ERCC1: variants seen among roughly 807,000 people sequenced by gnomAD.
The protein encoded by ERCC1 is DNA excision repair protein ERCC-1.
ERCC1 carries 36 observed loss-of-function variants against 37.6 expected under a neutral mutation model. That is an observed-to-expected ratio of 0.96 (90% CI 0.73 to 1.26). ERCC1 has a LOEUF of 1.26. ERCC1 is among the 50% of genes most tolerant of loss of function. The probability of loss-of-function intolerance (pLI) is 0.00; values close to 1 mark genes in which losing one functional copy is unlikely to be tolerated. For synonymous variants in ERCC1, 156 were observed against 162.1 expected (o/e 0.96, Z 0.28); for missense variants, 349 against 376.5 (o/e 0.93, Z 0.60).
At chr19:45,412,154 C>G (rs1048356513) in intron 9 of ERCC1, among the ~76,000 whole-genome samples, 1 of 150,946 alleles carries the variant, frequency 6.6e-6, no homozygotes, top group Non-Finnish European at 1.5e-5. Flanking sequence ...CCACCATGCC[C>G]GGCCTATTTT....
At chr19:45,409,822 T>C (rs958539424) in intron 9 of ERCC1, 97 bp from the exon 10 acceptor site, 6 of 713,602 alleles carry the variant, frequency 8.4e-6, no homozygotes, top group Admixed American at 2.0e-5. Flanking sequence ...TTTTCCCCTA[T>C]ACCCTCAAGC....
chr19:45,409,790 A>G, intron 9 of ERCC1, 65 bp from the exon 10 acceptor site: 2 of 730,896 alleles, frequency 2.7e-6, no homozygotes, highest in Non-Finnish European at 2.5e-6. Context: ...GGGTAAATCT[A>G]GAGTGGGGTT....
chr19:45,439,735 G>C (rs1012729684), intron 1 of ERCC1, among the ~76,000 whole-genome samples: 1 of 151,956 alleles, frequency 6.6e-6, no homozygotes, highest in East Asian at 1.9e-4. Context: ...GCCGGCGCCC[G>C]GGAGCCCGGG....
chr19:45,424,114 G>A (rs1974608235), upstream of ERCC1: 2 of 1,006,156 alleles, frequency 2.0e-6, no homozygotes, highest in East Asian at 1.2e-4. Context: ...GGGCTCAGTG[G>A]AGAACAGATC....
In ERCC1 at chr19:45,409,615, A is replaced by G. The variant is rs1599795873; in HGVS notation, c.*60T>C. On this transcript the variant is annotated 3_prime_UTR_variant, in exon 10 of 10. Transcript: ENST00000300853. Reference sequence around the variant, plus strand: ...AGACTGCACCAGCGCAGCCAGCAGGAGCCTGGCCTGGGAGGACGATTTATT... The same window carrying G: ...AGACTGCACCAGCGCAGCCAGCAGGGGCCTGGCCTGGGAGGACGATTTATT... 1 of 1,571,638 alleles carries G rather than the reference A, an allele frequency of 6.4e-7. No homozygotes were observed. The highest frequency in any genetic ancestry group is 2.3e-5 in the East Asian group (1 of 44,384).
chr19:45,423,941 G>A, upstream of ERCC1: 2 of 1,094,296 alleles, frequency 1.8e-6, no homozygotes, highest in East Asian at 4.6e-5. Flanking sequence ...CCGCTCCCCA[G>A]GAGAGTAGAG....
chr19:45,414,821 G>C, intron 7 of ERCC1, 40 bp downstream of exon 7: 1 of 1,418,284 alleles, frequency 7.1e-7, no homozygotes. Flanking sequence ...CAGGAGCTGC[G>C]GGGAGGCCCA....
At chr19:45,414,236 G>C in intron 7 of ERCC1, 1 of 616,818 alleles carries the variant, frequency 1.6e-6, no homozygotes, top group Non-Finnish European at 2.9e-6. Flanking sequence ...CAGCACTTTC[G>C]AGGCCGAGGC....
chr19:45,445,849 A>G lies in ERCC1; in HGVS notation c.-7-22468T>C, dbSNP rs531261506. 2.0e-5 allele frequency among the ~76,000 whole-genome samples: 3 copies of G among 152,198 alleles called. No individual in the cohort carries two copies. In the East Asian group the frequency reaches 5.8e-4, roughly 29 times the overall value. ...AGGAGCTATGGGAGGGTTTTGAGCAAAAGAGGGATGTGAACTGTTTCTTAT... is the reference window on the plus strand; with the variant it reads ...AGGAGCTATGGGAGGGTTTTGAGCAGAAGAGGGATGTGAACTGTTTCTTAT... On this transcript the variant is annotated intron_variant, in intron 1 of 8. Coordinates refer to the ERCC1 transcript ENST00000423698.
chr19:45,421,036 C>T, intron 3 of ERCC1, 142 bp downstream of exon 3: 1 of 761,762 alleles, frequency 1.3e-6, no homozygotes, highest in Non-Finnish European at 2.3e-6. Context: ...CCACACACTG[C>T]TGTCGAATGA....
At chr19:45,414,148 C>T (rs1306518891) in intron 7 of ERCC1, 114 bp from the exon 8 acceptor site, 4 of 814,824 alleles carry the variant, frequency 4.9e-6, no homozygotes, top group Non-Finnish European at 6.2e-6. Context: ...GTGCAGGAAG[C>T]ACTCAATAAA....
At chr19:45,411,682 T>C (rs1396445627) in intron 9 of ERCC1, among the ~76,000 whole-genome samples, 1 of 151,944 alleles carries the variant, frequency 6.6e-6, no homozygotes, top group Non-Finnish European at 1.5e-5. Flanking sequence ...TAATCCCATC[T>C]ACTCAGGAGG....
chr19:45,434,542 T>A (rs911528833), intron 1 of ERCC1, among the ~76,000 whole-genome samples: 31 of 152,072 alleles, frequency 2.0e-4, no homozygotes, highest in South Asian at 2.1e-4. Context: ...TGCCTTCCAA[T>A]CGTTGCATCT....
chr19:45,428,294 T>A, upstream of ERCC1, among the ~76,000 whole-genome samples: 1 of 142,052 alleles, frequency 7.0e-6, no homozygotes, highest in African/African-American at 2.6e-5. Flanking sequence ...GGGGGTGGGG[T>A]CTCACTATAG....
Position 45,416,837 on chromosome 19 carries a change from A to G in ERCC1, c.586T>C (p.Leu196=), listed in dbSNP as rs1974099177. 2 of 1,613,610 alleles carry G rather than the reference A, an allele frequency of 1.2e-6. No homozygotes were observed. The highest frequency in any genetic ancestry group is 1.7e-5 in the Admixed American group (1 of 60,004). The part of the protein sequence containing the change: ...AKMCILADCT[L]ILAWSPEEAG... ...TCATCTCACCTCCAGGCGAGGATCAATGTGCAGTCGGCCAGGATACACATC... is the reference window on the plus strand; with the variant it reads ...TCATCTCACCTCCAGGCGAGGATCAGTGTGCAGTCGGCCAGGATACACATC... The change falls in exon 6 of 10, where the codon TTG becomes CTG. Residue 196 remains leucine, a synonymous_variant. Transcript: ENST00000300853.
chr19:45,429,731 G>C (rs1974787777), intron 1 of ERCC1, among the ~76,000 whole-genome samples: 1 of 151,990 alleles, frequency 6.6e-6, no homozygotes, highest in South Asian at 2.1e-4. Context: ...TCAGCCTTGA[G>C]AACTCATGTA....
At chr19:45,411,296 T>G (rs566641542) in intron 9 of ERCC1, among the ~76,000 whole-genome samples, 12 of 152,312 alleles carry the variant, frequency 7.9e-5, no homozygotes, top group South Asian at 4.1e-4. Flanking sequence ...TTCCTTTTTT[T>G]GGGGATATAC....
intron 1 of ERCC1, among the ~76,000 whole-genome samples, chr19:45,436,080 C>G (rs976649290): frequency 6.6e-6 from 1 of 151,590 alleles, no homozygotes; most frequent in Non-Finnish European, 1.5e-5. Flanking sequence ...TTTTTTAAAA[C>G]GGGAAAAATA....
At position 45,414,986 on chromosome 19, in the gene ERCC1, C is replaced by A. The variant is rs367887072; in HGVS notation, c.603-26G>T. 6.5e-7 allele frequency: 1 copy of A among 1,541,356 alleles called. No individual in the cohort carries two copies. The highest frequency in any genetic ancestry group is 9.0e-7 in the Non-Finnish European group (1 of 1,114,598). On this transcript the variant is annotated intron_variant, in intron 6 of 9. Coordinates refer to ENST00000300853, the MANE Select transcript of ERCC1 (RefSeq NM_001983.4). ...CTGGGATAACAGGATACAGGGCAGCCGGGAGGTGAGGTATCAGATTATAGA... is the reference window on the plus strand; with the variant it reads ...CTGGGATAACAGGATACAGGGCAGCAGGGAGGTGAGGTATCAGATTATAGA...
Sources: allele counts gnomAD v4.1 joint callset (sites outside exome capture counted in the v4.1 genomes callset), GRCh38; gene constraint gnomAD v4.1.1; transcripts MANE v1.5; gene names NCBI Gene and HGNC (gene_info 2026-07-23, HGNC 2026-07-21).